KCND3: variants seen among roughly 807,000 people sequenced by gnomAD.
KCND3 encodes potassium voltage-gated channel subfamily D member 3.
KCND3 carries 9 observed loss-of-function variants against 51.1 expected under a neutral mutation model. The observed-to-expected ratio is 0.18, with a 90% CI of 0.11 to 0.31. KCND3 has a LOEUF of 0.31. KCND3 is among the 10% of genes least tolerant of loss of function. The pLI, the probability that KCND3 is intolerant of heterozygous loss-of-function variation, is 1.00. For missense variants in KCND3, 526 were observed against 903.8 expected, an observed-to-expected ratio of 0.58 and a Z score of 5.36; for synonymous variants, 349 against 368.0, an observed-to-expected ratio of 0.95 and a Z score of 0.59.
chr1:111,851,354 G>A (rs1413100017), intron 2 of KCND3, among the ~76,000 whole-genome samples: 3 of 152,188 alleles, frequency 2.0e-5, no homozygotes, highest in African/African-American at 7.2e-5. Flanking sequence ...GAGTCAATGA[G>A]CGCAGTGTGA....
intron 2 of KCND3, among the ~76,000 whole-genome samples, chr1:111,857,850 C>G (rs1668151594): frequency 6.6e-6 from 1 of 152,070 alleles, no homozygotes; most frequent in South Asian, 2.1e-4. Context: ...ATGAATTTCA[C>G]TTTTTTTGCA....
At chr1:111,776,369 T>G in intron 7 of KCND3, 91 bp from the exon 8 acceptor site, 1 of 1,177,054 alleles carries the variant, frequency 8.5e-7, no homozygotes. Context: ...TCGTGGTAAC[T>G]AGGAGGATAT....
intron 2 of KCND3, among the ~76,000 whole-genome samples, chr1:111,949,863 A>AAC (rs987298992): frequency 6.6e-6 from 1 of 152,126 alleles, no homozygotes; most frequent in Non-Finnish European, 1.5e-5. Flanking sequence ...CACACACATA[A>AAC]ACACACACAC....
chr1:111,784,103 T>TCACACACACACA (rs369429634), intron 3 of KCND3, among the ~76,000 whole-genome samples: 1,909 of 117,504 alleles, frequency 0.016, 27 homozygotes, highest in Middle Eastern at 0.025. Flanking sequence ...CATTAACTTA[T>TCACACACACACA]CACACACACA....
chr1:111,864,742 C>A (rs1668479982), intron 2 of KCND3, among the ~76,000 whole-genome samples: 1 of 152,162 alleles, frequency 6.6e-6, no homozygotes. Context: ...AAACTATGCC[C>A]TTCAGATGGC....
rs557713851 is a variant in KCND3, at chr1:111,895,789, C to A, written c.1106+85832G>T. Among the ~76,000 whole-genome samples the A allele has an allele frequency of 4.6e-5, 7 of 152,216 alleles. No individual in the cohort carries two copies. In the East Asian group the frequency reaches 1.4e-3, roughly 29 times the overall value. ...GGTGGGCAGGAAGCTTCAGCGGAAA[C>A]GCTGCCAGCTCTTCCCGGGGCCAGC... is the stretch of plus-strand genomic sequence containing the variant. On this transcript the variant is annotated intron_variant, in intron 2 of 7. Transcript: ENST00000302127.
chr1:111,821,744 T>C (rs933295202), intron 2 of KCND3, among the ~76,000 whole-genome samples: 1 of 152,190 alleles, frequency 6.6e-6, no homozygotes, highest in Non-Finnish European at 1.5e-5. Flanking sequence ...TGGGCTCTTG[T>C]CATCTCTGCC....
At chr1:111,987,584 C>T (rs748936740) in intron 1 of KCND3, among the ~76,000 whole-genome samples, 6 of 152,206 alleles carry the variant, frequency 3.9e-5, no homozygotes, top group Non-Finnish European at 7.3e-5. Flanking sequence ...ATACCCACCC[C>T]ACAACACTGC....
chr1:111,929,916 A>C (rs1176809749), intron 2 of KCND3, among the ~76,000 whole-genome samples: 1 of 152,222 alleles, frequency 6.6e-6, no homozygotes, highest in African/African-American at 2.4e-5. Context: ...TGGAAATCCA[A>C]ATTAAAATGT....
In KCND3 at chr1:111,776,154, G is replaced by T; in HGVS notation, c.1891C>A (p.Pro631Thr). The T allele has an allele frequency of 1.2e-6, 2 of 1,614,228 alleles. No homozygotes were observed. Among genetic ancestry groups the T allele is most frequent in the Non-Finnish European group, 1.7e-6 (2 of 1,180,038 alleles). Residue 631 changes from proline (P) to threonine (T), a missense_variant, in exon 8 of 8, where the codon CCA becomes ACA. Around this residue, in one of 5 missense-constraint regions of KCND3, gnomAD observed 266 missense variants for 305.5 expected, o/e 0.87. Coordinates refer to ENST00000302127, the MANE Select transcript of KCND3 (RefSeq NM_001378969.1). Reference protein sequence around the residue: ...PALTPEGESRPPPASPGPNTN... With the variant: ...PALTPEGESRTPPASPGPNTN... ...TTGGGGCCTGGGCTGGCAGGGGGTG[G>T]CCGACTTTCCCCCTCTGGGGTTAGC...
chr1:111,945,956 G>A (rs1221037874), intron 2 of KCND3, among the ~76,000 whole-genome samples: 4 of 152,166 alleles, frequency 2.6e-5, no homozygotes, highest in Non-Finnish European at 4.4e-5. Flanking sequence ...TACTAGCCCT[G>A]TGACCTCAGA....
intron 2 of KCND3, among the ~76,000 whole-genome samples, chr1:111,966,523 C>T (rs1673997273): frequency 6.6e-6 from 1 of 152,132 alleles, no homozygotes; most frequent in South Asian, 2.1e-4. Context: ...GGCTGTTTAT[C>T]CTAGAGGGCC....
intron 2 of KCND3, among the ~76,000 whole-genome samples, chr1:111,884,031 C>T (rs1039984024): frequency 7.2e-5 from 11 of 152,224 alleles, no homozygotes; most frequent in African/African-American, 2.7e-4. Flanking sequence ...ATTACACAGG[C>T]TGCCTCTTGT....
intron 2 of KCND3, among the ~76,000 whole-genome samples, chr1:111,933,800 T>C (rs1452281046): frequency 6.6e-6 from 1 of 152,210 alleles, no homozygotes; most frequent in Admixed American, 6.5e-5. Context: ...CCCTACACTG[T>C]CTGTACTTAA....
chr1:111,920,595 C>T (rs192949318), intron 2 of KCND3, among the ~76,000 whole-genome samples: 180 of 152,330 alleles, frequency 1.2e-3, no homozygotes, highest in African/African-American at 4.2e-3. Context: ...GAAGGGGCAG[C>T]TGCAGCCCCT....
rs550080508 is a variant in KCND3 at position 111,913,820 on chromosome 1, T to C, written c.1106+67801A>G. Among the ~76,000 whole-genome samples, 23 of 152,212 alleles carry C rather than the reference T, an allele frequency of 1.5e-4. No individual in the cohort carries two copies. The South Asian group carries it at 4.4e-3, about 29-fold the overall frequency. On this transcript the variant is annotated intron_variant, in intron 2 of 7. Coordinates refer to ENST00000302127, the MANE Select transcript of KCND3 (RefSeq NM_001378969.1). ...CTGAAGTGAGAGGACTATTTAAGCC[T>C]GGGAGGTCAAGGCTGCAGCAAACCA...
intron 1 of KCND3, among the ~76,000 whole-genome samples, chr1:111,987,706 C>T (rs2102016867): frequency 6.6e-6 from 1 of 152,332 alleles, no homozygotes; most frequent in East Asian, 1.9e-4. Flanking sequence ...CTGCAACAGG[C>T]ACAACAGTGC....
At chr1:111,954,288 A>G (rs932699085) in intron 2 of KCND3, among the ~76,000 whole-genome samples, 4 of 152,158 alleles carry the variant, frequency 2.6e-5, no homozygotes, top group Admixed American at 2.6e-4. Context: ...CCTTAATGAC[A>G]TAGAGGAAAG....
chr1:111,857,564 C>T (rs1418980184), intron 2 of KCND3, among the ~76,000 whole-genome samples: 1 of 152,098 alleles, frequency 6.6e-6, no homozygotes, highest in African/African-American at 2.4e-5. Flanking sequence ...ATTGTTGCCT[C>T]CTCAGCAAAT....
Sources: allele counts gnomAD v4.1 joint callset (sites outside exome capture counted in the v4.1 genomes callset), GRCh38; gene constraint gnomAD v4.1.1; regional missense constraint gnomAD v4.1.1; transcripts MANE v1.5; gene names NCBI Gene and HGNC (gene_info 2026-07-23, HGNC 2026-07-21).